Variants in PDE3B observed in about 807,000 individuals in gnomAD.
PDE3B encodes cGMP-inhibited 3',5'-cyclic phosphodiesterase 3B.
A neutral mutation model predicts 116.8 loss-of-function variants in PDE3B; 66 were observed. The observed-to-expected ratio is 0.56, with a 90% CI of 0.46 to 0.69. The LOEUF is 0.69. Among genes scored for constraint, PDE3B ranks in the 30% least tolerant of loss-of-function variants. The probability of loss-of-function intolerance (pLI) is 0.00; values close to 1 mark genes in which losing one functional copy is unlikely to be tolerated. For missense variants in PDE3B, 1,384 were observed against 1,368.1 expected (o/e 1.01, Z -0.18); for synonymous variants, 595 against 533.6 (o/e 1.12, Z -1.59).
At chr11:14,756,971 G>A (rs1211821654) in intron 1 of PDE3B, among the ~76,000 whole-genome samples, 1 of 100,588 alleles carries the variant, frequency 9.9e-6, no homozygotes, top group Admixed American at 1.5e-4. Flanking sequence ...CCCCACCACA[G>A]TCCCCAGAGT....
chr11:14,741,518 T>C (rs535546775), intron 1 of PDE3B, among the ~76,000 whole-genome samples: 1 of 152,246 alleles, frequency 6.6e-6, no homozygotes, highest in South Asian at 2.1e-4. Flanking sequence ...ATACAGCACA[T>C]CAATGGGTCT....
At chr11:14,711,117 C>T (rs949595092) in intron 1 of PDE3B, among the ~76,000 whole-genome samples, 3 of 151,980 alleles carry the variant, frequency 2.0e-5, no homozygotes, top group Admixed American at 1.3e-4. Context: ...ATAGGGATAC[C>T]GTATTGCAAG....
chr11:14,748,100 A>G (rs950879708), intron 1 of PDE3B, among the ~76,000 whole-genome samples: 9 of 152,370 alleles, frequency 5.9e-5, no homozygotes, highest in Non-Finnish European at 1.3e-4. Context: ...AATGTAACCT[A>G]GTTCTTTAAC....
chr11:14,830,856 A>T lies in PDE3B; in HGVS notation c.1956+10A>T, dbSNP rs759739669. On this transcript the variant is annotated intron_variant, in intron 8 of 15. Transcript: ENST00000282096. ...TGAACAGCAAACAAATGTAAAAGAT[A>T]AACTTTCAATATGATTATGTTAAGG... 5.4e-6 allele frequency: 8 copies of T among 1,477,500 alleles called. No homozygotes were observed. The African/African-American group carries it at 1.2e-4, about 22-fold the overall frequency. 91.5% of individuals were successfully genotyped at this position (1,477,500 alleles called of 1,614,324 possible).
At chr11:14,769,596 GATATATAT>G (rs3059191) in intron 1 of PDE3B, among the ~76,000 whole-genome samples, 12 of 141,566 alleles carry the variant, frequency 8.5e-5, no homozygotes, top group African/African-American at 1.0e-4. Flanking sequence ...CGAATCCAGG[GATATATAT>G]ATATATATAT....
At chr11:14,828,801 C>G (rs1481009909) in intron 7 of PDE3B, among the ~76,000 whole-genome samples, 1 of 152,176 alleles carries the variant, frequency 6.6e-6, no homozygotes, top group Non-Finnish European at 1.5e-5. Context: ...CCAGCAATCC[C>G]ATTACTGGGT....
At chr11:14,660,285 T>A (rs1310880411) in intron 1 of PDE3B, among the ~76,000 whole-genome samples, 2 of 151,632 alleles carry the variant, frequency 1.3e-5, no homozygotes, top group Non-Finnish European at 2.9e-5. Context: ...ATATTCCTTA[T>A]ATTATTGCTT....
chr11:14,712,751 A>G (rs956376687), intron 1 of PDE3B, among the ~76,000 whole-genome samples: 1 of 152,216 alleles, frequency 6.6e-6, no homozygotes, highest in Admixed American at 6.5e-5. Flanking sequence ...TTGGGATTAC[A>G]GGCATGAGCC....
intron 1 of PDE3B, among the ~76,000 whole-genome samples, chr11:14,653,566 AAAAAAAACC>A (rs986519371): frequency 4.6e-4 from 70 of 152,112 alleles, no homozygotes; most frequent in Non-Finnish European, 8.8e-4. Flanking sequence ...CTCCGTCTCA[AAAAAAAACC>A]AAAAAAACCA....
chr11:14,670,732 G>A (rs1854338850), intron 1 of PDE3B, among the ~76,000 whole-genome samples: 1 of 152,180 alleles, frequency 6.6e-6, no homozygotes, highest in South Asian at 2.1e-4. Flanking sequence ...TAAAAAATTT[G>A]TGAAAATCAA....
chr11:14,665,627 GACAA>G (rs778294733), intron 1 of PDE3B, among the ~76,000 whole-genome samples: 46 of 152,208 alleles, frequency 3.0e-4, no homozygotes, highest in South Asian at 6.2e-4. Context: ...ACCAATAACA[GACAA>G]ACAGAGAGCC....
At chr11:14,884,585 G>A in the PDE3B span, among the ~76,000 whole-genome samples, 217 of 151,348 alleles carry the variant, frequency 1.4e-3, 1 homozygote, top group African/African-American at 4.9e-3. Context: ...AATGCTAAAT[G>A]ACGAGTTAAT....
At chr11:14,828,741 A>G (rs1180208060) in intron 7 of PDE3B, among the ~76,000 whole-genome samples, 2 of 152,228 alleles carry the variant, frequency 1.3e-5, no homozygotes, top group African/African-American at 4.8e-5. Flanking sequence ...TCATTGTGGT[A>G]GACAGTGTGG....
At chr11:14,742,987 A>G (rs1001607178) in intron 1 of PDE3B, among the ~76,000 whole-genome samples, 5 of 152,106 alleles carry the variant, frequency 3.3e-5, no homozygotes, top group Non-Finnish European at 4.4e-5. Context: ...GCTCTCCTGT[A>G]TGAGGTGTCT....
rs782227528 is a variant in PDE3B at position 14,867,650 on chromosome 11, G to A, written c.3031G>A (p.Gly1011Ser). Residue 1011 changes from glycine to serine, a missense_variant, in exon 15 of 16, where the codon GGT (glycine) becomes AGT (serine). Around this residue, in one of 2 missense-constraint regions of PDE3B, gnomAD observed 428 missense variants for 561.4 expected, o/e 0.76. Coordinates refer to ENST00000282096, the MANE Select transcript of PDE3B (RefSeq NM_000922.4). Reference protein sequence around the residue: ...NSYDAAGLLPGQWLEAEEDND... With the variant: ...NSYDAAGLLPSQWLEAEEDND... ...CTATGATGCTGCTGGTTTGCTACCA[G>A]GTCAGTGGTTAGAAGCAGAAGAGGA... 1.2e-6 allele frequency: 2 copies of A among 1,614,062 alleles called. No homozygotes were observed. Among genetic ancestry groups the A allele is most frequent in the Non-Finnish European group, 1.7e-6 (2 of 1,180,012 alleles).
intron 1 of PDE3B, among the ~76,000 whole-genome samples, chr11:14,701,861 G>A (rs568977927): frequency 7.5e-4 from 113 of 151,342 alleles, no homozygotes; most frequent in Admixed American, 2.2e-3. Flanking sequence ...CTCTGGAAGC[G>A]TTCAAGATTT....
chr11:14,660,068 G>C (rs2133759859), intron 1 of PDE3B, among the ~76,000 whole-genome samples: 1 of 152,242 alleles, frequency 6.6e-6, no homozygotes, highest in East Asian at 1.9e-4. Flanking sequence ...ATAATTGTTA[G>C]CTTTATAGTC....
At chr11:14,659,879 G>C (rs1853838383) in intron 1 of PDE3B, among the ~76,000 whole-genome samples, 1 of 152,178 alleles carries the variant, frequency 6.6e-6, no homozygotes. Context: ...AGTAAGGATT[G>C]TCATTTTAAA....
At chr11:14,730,917 A>C (rs1469741680) in intron 1 of PDE3B, among the ~76,000 whole-genome samples, 1 of 152,182 alleles carries the variant, frequency 6.6e-6, no homozygotes. Context: ...AAACTGAATC[A>C]TAGAGAGGTT....
Sources: allele counts gnomAD v4.1 joint callset (sites outside exome capture counted in the v4.1 genomes callset), GRCh38; gene constraint gnomAD v4.1.1; regional missense constraint gnomAD v4.1.1; transcripts MANE v1.5; gene names NCBI Gene and HGNC (gene_info 2026-07-23, HGNC 2026-07-21).